The following LRP8 variants were observed in gnomAD, a reference collection of about 807,000 sequenced individuals.
The protein encoded by LRP8 is low-density lipoprotein receptor-related protein 8.
LRP8 carries 46 observed loss-of-function variants against 111.6 expected under a neutral mutation model. The observed-to-expected ratio is 0.41, with a 90% CI of 0.33 to 0.53. The LOEUF (loss-of-function observed/expected upper bound fraction) is 0.53. Ranked by LOEUF, LRP8 falls within the 20% of genes least tolerant of loss-of-function variation. The pLI, the probability that LRP8 is intolerant of heterozygous loss-of-function variation, is 0.20. For missense variants in LRP8, 959 were observed against 1,297.4 expected (o/e 0.74, Z 4.01); for synonymous variants, 464 against 511.2 (o/e 0.91, Z 1.24).
intron 14 of LRP8, chr1:53,258,105 A>C: frequency 2.4e-6 from 1 of 410,638 alleles, no homozygotes; most frequent in East Asian, 3.8e-5. Flanking sequence ...GTATATGTGC[A>C]TTTTTTCCTT....
Position 53,277,064 on chromosome 1 carries a change from C to A in LRP8, c.511G>T (p.Glu171Ter). Reference protein sequence around the residue: ...AGCATLCAPHEFQCGNRSCLA... With the variant: ...AGCATLCAPH ...CACGAGCGGTTGCCGCACTGGAACT[C>A]GTGCGGGGCGCACACTGCGCGGGAC... Residue 171 changes from glutamate (E) to a stop codon, truncating the protein, a stop_gained, in exon 5 of 19, where the codon GAG becomes TAG. Coordinates refer to ENST00000306052, the MANE Select transcript of LRP8 (RefSeq NM_004631.5). LOFTEE classifies it high-confidence loss of function. 6.6e-7 allele frequency: 1 copy of A among 1,522,192 alleles called. No homozygotes were observed. The highest frequency in any genetic ancestry group is 2.0e-5 in the Admixed American group (1 of 50,476). 94.3% of individuals were successfully genotyped at this position (1,522,192 alleles called of 1,614,324 possible).
chr1:53,311,939 G>T (rs1183922465), intron 2 of LRP8, among the ~76,000 whole-genome samples: 1 of 152,244 alleles, frequency 6.6e-6, no homozygotes, highest in Non-Finnish European at 1.5e-5. Flanking sequence ...CATGTGGGAA[G>T]GGCCTTGTCG....
intron 6 of LRP8, among the ~76,000 whole-genome samples, chr1:53,272,439 C>G (rs896119038): frequency 1.3e-5 from 2 of 151,430 alleles, no homozygotes; most frequent in Non-Finnish European, 2.9e-5. Context: ...TCCCCCTCTG[C>G]CCCCCAGGCT....
In LRP8 at chr1:53,296,604, C is replaced by G. The variant is rs370295120; in HGVS notation, c.245-6915G>C. 3.3e-5 allele frequency among the ~76,000 whole-genome samples: 5 copies of G among 152,360 alleles called. No homozygotes were observed. The East Asian group carries it at 9.6e-4, about 29-fold the overall frequency. On this transcript the variant is annotated intron_variant, in intron 2 of 18. Coordinates refer to ENST00000306052, the MANE Select transcript of LRP8 (RefSeq NM_004631.5). ...GGTGGGGGCAGGGGGCGTGCCAGCC[C>G]GCCCCTGGCCTACTAACCTGGCAGG...
chr1:53,280,705 C>A lies in LRP8; in HGVS notation c.378G>T (p.Val126=), dbSNP rs576493356. The part of the protein sequence containing the change: ...DESEATCTKQ[V]CPAEKLSCGP... Reference sequence around the variant, plus strand: ...CACAGCTCAGCTTCTCTGCAGGACACACCTGCTTGGCTGTGGAGACAGACG... The same window carrying A: ...CACAGCTCAGCTTCTCTGCAGGACAAACCTGCTTGGCTGTGGAGACAGACG... Residue 126 remains valine (V), a synonymous_variant, in exon 4 of 19, where the codon GTG becomes GTT. Transcript: ENST00000306052. The A allele has an allele frequency of 6.2e-7, 1 of 1,611,904 alleles. No individual in the cohort carries two copies.
chr1:53,327,461 G>C, intron 1 of LRP8: 1 of 269,782 alleles, frequency 3.7e-6, no homozygotes, highest in Non-Finnish European at 6.9e-6. Flanking sequence ...CGCGGAGCGC[G>C]CGTGTCAAAT....
In LRP8 at chr1:53,303,869, C is replaced by T. The variant is rs1483708058; in HGVS notation, c.245-14180G>A. Among the ~76,000 whole-genome samples, 1 of 152,202 alleles carries T rather than the reference C, an allele frequency of 6.6e-6. No individual in the cohort carries two copies. The highest frequency in any genetic ancestry group is 1.9e-4 in the East Asian group (1 of 5,178). Reference sequence around the variant, plus strand: ...AGCCGTGCTGGCTGGAGGCTGAACACGTTCCTTCCTCTTGAACGGGGAGGG... The same window carrying T: ...AGCCGTGCTGGCTGGAGGCTGAACATGTTCCTTCCTCTTGAACGGGGAGGG... On this transcript the variant is annotated intron_variant, in intron 2 of 18. Coordinates refer to ENST00000306052, the MANE Select transcript of LRP8 (RefSeq NM_004631.5). The surrounding 1 kb of genome is among the most constrained non-coding windows in gnomAD (Gnocchi z 4.3).
chr1:53,272,060 G>GC lies in LRP8; in HGVS notation c.1007-715dup, dbSNP rs375810120. 5.3e-5 allele frequency among the ~76,000 whole-genome samples: 8 copies of GC among 151,932 alleles called. No homozygotes were observed. In the East Asian group the frequency reaches 5.8e-4, roughly 11 times the overall value. On this transcript the variant is annotated intron_variant, in intron 6 of 18. Transcript: ENST00000306052. Reference sequence around the variant, plus strand: ...AGAAGGAACCTGAACAACACAGGATGCCCCCCCTAATGTGCTTGTGGTTAT... The same window carrying GC: ...AGAAGGAACCTGAACAACACAGGATGCCCCCCCCTAATGTGCTTGTGGTTAT...
At chr1:53,247,705 C>T (rs1233844268) in intron 18 of LRP8, among the ~76,000 whole-genome samples, 1 of 152,212 alleles carries the variant, frequency 6.6e-6, no homozygotes, top group Non-Finnish European at 1.5e-5. Flanking sequence ...AAATTCTTTC[C>T]TATATTAATG....
Position 53,244,202 on chromosome 1 carries a change from A to G in LRP8, c.*2816T>C, listed in dbSNP as rs1645686810. 6.6e-6 allele frequency: 1 copy of G among 152,250 alleles called. No homozygotes were observed. The highest frequency in any genetic ancestry group is 1.5e-5 in the Non-Finnish European group (1 of 68,036). The allele number at this position is 152,250 out of a possible 1,614,324, so 9.4% of individuals were successfully genotyped here. Reference sequence around the variant, plus strand: ...TGCCTTTGTAATTCCACTGGAGGAAAGGTAGACCATAGTATAGGTAGCAGG... The same window carrying G: ...TGCCTTTGTAATTCCACTGGAGGAAGGGTAGACCATAGTATAGGTAGCAGG... On this transcript the variant is annotated 3_prime_UTR_variant, in exon 19 of 19. Transcript: ENST00000306052.
chr1:53,282,721 C>G (rs1647154674), intron 3 of LRP8, among the ~76,000 whole-genome samples: 1 of 152,146 alleles, frequency 6.6e-6, no homozygotes, highest in Non-Finnish European at 1.5e-5. Flanking sequence ...TTAGTAACTC[C>G]CCACCAAAAC....
chr1:53,277,332 G>T (rs773939384), intron 4 of LRP8, among the ~76,000 whole-genome samples: 4 of 152,210 alleles, frequency 2.6e-5, no homozygotes, highest in Non-Finnish European at 5.9e-5. Context: ...AGCATGGTGG[G>T]ACTAGGAGGG....
At chr1:53,325,876 G>A (rs1655062209) in intron 2 of LRP8, among the ~76,000 whole-genome samples, 2 of 152,216 alleles carry the variant, frequency 1.3e-5, no homozygotes, top group African/African-American at 4.8e-5. Flanking sequence ...GACTGCCCGG[G>A]TCTATGTCTC....
At chr1:53,301,620 A>T (rs1650885683) in intron 2 of LRP8, among the ~76,000 whole-genome samples, 1 of 152,006 alleles carries the variant, frequency 6.6e-6, no homozygotes, top group Admixed American at 6.6e-5. Context: ...AGTCCCAGCT[A>T]CTTGGGAGGC....
chr1:53,323,741 A>G (rs1299566481), intron 2 of LRP8, among the ~76,000 whole-genome samples: 2 of 152,246 alleles, frequency 1.3e-5, no homozygotes, highest in African/African-American at 4.8e-5. Context: ...CCTCAGTTTG[A>G]GTTCCAGCTC....
chr1:53,249,855 T>C lies in LRP8; in HGVS notation c.2677-299A>G, dbSNP rs1645840692. Among the ~76,000 whole-genome samples the C allele has an allele frequency of 1.3e-5, 2 of 152,246 alleles. No homozygotes were observed. The highest frequency in any genetic ancestry group is 4.8e-5 in the African/African-American group (2 of 41,442). ...AATAGCTCCCTTGTTGATGTTTCCA[T>C]GGCATCTGTTCAACAAATATTTGTT... On this transcript the variant is annotated intron_variant, in intron 17 of 18. Transcript: ENST00000306052. This position sits in a 1 kb window ranked among gnomAD's most constrained non-coding sequence, Gnocchi z 4.1.
intron 2 of LRP8, 106 bp from the exon 3 acceptor site, chr1:53,289,795 G>C (rs1338354872): frequency 1.4e-6 from 2 of 1,459,472 alleles, no homozygotes; most frequent in East Asian, 2.4e-5. Flanking sequence ...CTGCCTTGCT[G>C]ACCAAGGGCA....
chr1:53,247,651 C>T (rs1645769432), intron 18 of LRP8, among the ~76,000 whole-genome samples: 2 of 152,172 alleles, frequency 1.3e-5, no homozygotes. Flanking sequence ...AAGGTGAGCC[C>T]ACTAACCCCT....
chr1:53,316,617 G>C (rs1170015641), intron 2 of LRP8, among the ~76,000 whole-genome samples: 5 of 152,208 alleles, frequency 3.3e-5, no homozygotes, highest in Non-Finnish European at 5.9e-5. Context: ...GGCCATGGCA[G>C]ACTCCCACCA....
Sources: allele counts gnomAD v4.1 joint callset (sites outside exome capture counted in the v4.1 genomes callset), GRCh38; gene constraint gnomAD v4.1.1; non-coding constraint Gnocchi (gnomAD v3.1); transcripts MANE v1.5; gene names NCBI Gene and HGNC (gene_info 2026-07-23, HGNC 2026-07-21).